CRY2: variants seen among roughly 807,000 people sequenced by gnomAD.
The protein encoded by CRY2 is cryptochrome-2.
Under a neutral mutation model 69.5 loss-of-function variants are expected in CRY2, and 31 were observed. The observed-to-expected ratio is 0.45, with a 90% CI of 0.34 to 0.60. The LOEUF (loss-of-function observed/expected upper bound fraction) is 0.60. CRY2 is among the 20% of genes least tolerant of loss of function. The pLI is 0.02. For missense variants in CRY2, 606 were observed against 797.8 expected (o/e 0.76, Z 2.90); for synonymous variants, 303 against 312.2 (o/e 0.97, Z 0.31).
intron 1 of CRY2, among the ~76,000 whole-genome samples, chr11:45,850,384 A>C (rs2086188866): frequency 6.6e-6 from 1 of 152,168 alleles, no homozygotes; most frequent in Non-Finnish European, 1.5e-5. Flanking sequence ...CAGTCCTGAG[A>C]CGGGCAACCT....
Position 45,855,996 on chromosome 11 carries a change from C to T in CRY2, c.230C>T (p.Ser77Phe). The T allele has an allele frequency of 6.2e-7, 1 of 1,614,102 alleles. No homozygotes were observed. The highest frequency in any genetic ancestry group is 8.5e-7 in the Non-Finnish European group (1 of 1,179,950). ...GINRWRFLLQ[S>F]LEDLDTSLRK... ...GGACTCCACAGGTTCCTACTTCAGT[C>T]TCTGGAAGATTTGGACACAAGTTTA... Residue 77 changes from serine (S) to phenylalanine (F), a missense_variant, in exon 2 of 12, where the codon TCT becomes TTT. Physicochemically the swap from Ser to Phe is radical, Grantham distance 155. This residue lies in a region of CRY2 where 382 missense variants were observed against 508.9 expected (regional missense o/e 0.75). Coordinates refer to ENST00000616080, the MANE Select transcript of CRY2 (RefSeq NM_021117.5).
chr11:45,850,388 G>A (rs2086188962), intron 1 of CRY2, among the ~76,000 whole-genome samples: 1 of 152,132 alleles, frequency 6.6e-6, no homozygotes. Flanking sequence ...CCTGAGACGG[G>A]CAACCTAGGA....
chr11:45,851,887 C>A (rs1051622244), intron 1 of CRY2, among the ~76,000 whole-genome samples: 1 of 152,122 alleles, frequency 6.6e-6, no homozygotes, highest in Non-Finnish European at 1.5e-5. Flanking sequence ...TCAAGGACAG[C>A]CTGGACCCAA....
At chr11:45,848,631 G>A (rs971336849) in intron 1 of CRY2, among the ~76,000 whole-genome samples, 9 of 152,204 alleles carry the variant, frequency 5.9e-5, no homozygotes, top group Non-Finnish European at 1.2e-4. Context: ...ACTGTAAACA[G>A]TATTCAAACT....
chr11:45,861,897 C>G (rs1001538691), intron 4 of CRY2, 163 bp from the exon 5 acceptor site: 14 of 627,856 alleles, frequency 2.2e-5, no homozygotes, highest in South Asian at 1.3e-4. Context: ...GGAAGAGAAC[C>G]AAGTTGACCT....
At chr11:45,858,690 C>T in intron 2 of CRY2, 41 bp from the exon 3 acceptor site, 1 of 1,586,822 alleles carries the variant, frequency 6.3e-7, no homozygotes, top group Non-Finnish European at 8.6e-7. Context: ...CCCCCTCCTC[C>T]CCAAACACAG....
intron 1 of CRY2, among the ~76,000 whole-genome samples, chr11:45,854,996 T>C (rs997755475): frequency 1.3e-5 from 2 of 152,206 alleles, no homozygotes; most frequent in African/African-American, 4.8e-5. Context: ...TGTACCACTT[T>C]GTCACTGGAA....
At chr11:45,880,118 G>C (rs2086459468) in intron 11 of CRY2, among the ~76,000 whole-genome samples, 1 of 152,200 alleles carries the variant, frequency 6.6e-6, no homozygotes, top group Admixed American at 6.5e-5. Context: ...CACAGCACAA[G>C]TGTATAGTAC....
chr11:45,856,049 G>T lies in CRY2; in HGVS notation c.283G>T (p.Val95Phe). ...LRKLNSRLFV[V>F]RGQPADVFPR... The stretch of plus-strand genomic sequence containing the variant: ...GAAACTGAACTCCCGCCTGTTTGTA[G>T]TCCGGGGACAGCCAGCCGACGTGTT... Residue 95 changes from valine (V) to phenylalanine (F), a missense_variant, in exon 2 of 12, where the codon GTC (valine) becomes TTC (phenylalanine). Transcript: ENST00000616080. 6.2e-7 allele frequency: 1 copy of T among 1,614,202 alleles called. No homozygotes were observed. The highest frequency in any genetic ancestry group is 8.5e-7 in the Non-Finnish European group (1 of 1,180,034).
intron 3 of CRY2, among the ~76,000 whole-genome samples, chr11:45,860,634 G>A (rs568078045): frequency 2.6e-5 from 4 of 152,200 alleles, no homozygotes; most frequent in African/African-American, 9.6e-5. Context: ...CATTACTGAG[G>A]CACCTGCTTC....
chr11:45,847,364 C>T (rs2086157231), upstream of CRY2: 25 of 1,598,600 alleles, frequency 1.6e-5, no homozygotes, highest in South Asian at 2.0e-4. Flanking sequence ...GGCAGAGGGG[C>T]TCTGGGGCCC....
At chr11:45,870,741 T>C in intron 9 of CRY2, 101 bp from the exon 10 acceptor site, 1 of 1,146,040 alleles carries the variant, frequency 8.7e-7, no homozygotes, top group Admixed American at 2.0e-5. Context: ...AACCTCAGTG[T>C]CTTGCTCCTA....
chr11:45,858,997 T>C, intron 3 of CRY2, 124 bp downstream of exon 3: 1 of 1,221,678 alleles, frequency 8.2e-7, no homozygotes. Context: ...TGGCATCTTC[T>C]AGAAGCTGGA....
chr11:45,878,433 G>A (rs188839755), intron 11 of CRY2, among the ~76,000 whole-genome samples: 2 of 152,324 alleles, frequency 1.3e-5, no homozygotes, highest in East Asian at 3.9e-4. Context: ...TTCTATTTCA[G>A]AAGAATAGCC....
chr11:45,868,063 G>A (rs368448133), intron 6 of CRY2: 4 of 319,924 alleles, frequency 1.3e-5, no homozygotes, highest in African/African-American at 2.1e-5. Context: ...GGACAGGGGC[G>A]AGGTCCCCAG....
intron 2 of CRY2, 79 bp downstream of exon 2, chr11:45,856,169 C>T: frequency 5.1e-6 from 6 of 1,174,630 alleles, no homozygotes; most frequent in Non-Finnish European, 6.3e-6. Flanking sequence ...ATATGATATT[C>T]CGACTGAGGG....
At chr11:45,850,008 GT>G (rs68150323) in intron 1 of CRY2, among the ~76,000 whole-genome samples, 105,722 of 142,894 alleles carry the variant, frequency 0.74, 40,060 homozygotes, top group Non-Finnish European at 0.83. Context: ...TTTGTTTTTT[GT>G]TTTTTTTTTT....
intron 6 of CRY2, among the ~76,000 whole-genome samples, chr11:45,869,279 C>T (rs1329713709): frequency 6.6e-6 from 1 of 152,244 alleles, no homozygotes; most frequent in Admixed American, 6.5e-5. Context: ...CACTGCCTGG[C>T]CCTCTGTAGC....
At chr11:45,879,911 G>C (rs1240638243) in intron 11 of CRY2, among the ~76,000 whole-genome samples, 1 of 152,118 alleles carries the variant, frequency 6.6e-6, no homozygotes, top group Non-Finnish European at 1.5e-5. Flanking sequence ...GTCTTCACAT[G>C]GTCTTCCCTC....
Sources: gnomAD v4.1 joint callset for allele counts (sites outside exome capture counted in the v4.1 genomes callset) on GRCh38, gnomAD v4.1.1 for gene constraint, gnomAD v4.1.1 regional missense constraint, MANE v1.5 for transcripts, NCBI Gene and HGNC (gene_info 2026-07-23, HGNC 2026-07-21) for gene names.